The following FGD3 variants were observed in gnomAD, a reference collection of about 807,000 sequenced individuals.
FGD3 encodes the protein FYVE, RhoGEF and PH domain containing 3, also known as FYVE, RhoGEF and PH domain-containing protein 3.
In FGD3, 45 loss-of-function variants were observed where a neutral mutation model predicts 71.8. The ratio of observed to expected loss-of-function variants is 0.63; its 90% CI spans 0.49 to 0.80. The LOEUF is 0.80. FGD3 is among the 30% of genes least tolerant of loss of function. The pLI, the probability that FGD3 is intolerant of heterozygous loss-of-function variation, is 0.00. For synonymous variants in FGD3, 378 were observed against 392.8 expected (o/e 0.96, Z 0.44); for missense variants, 844 against 951.5 (o/e 0.89, Z 1.49).
intron 1 of FGD3, among the ~76,000 whole-genome samples, chr9:92,962,516 G>A (rs1024147728): frequency 3.9e-5 from 6 of 152,186 alleles, no homozygotes; most frequent in Admixed American, 2.0e-4. Context: ...GCACAGCAAC[G>A]GTGATTCAGA....
intron 14 of FGD3, among the ~76,000 whole-genome samples, chr9:93,029,118 G>A (rs1332917754): frequency 2.8e-5 from 4 of 141,630 alleles, no homozygotes; most frequent in Non-Finnish European, 4.5e-5. Context: ...ACCAACCTCC[G>A]CCTCCTGGGT....
chr9:92,969,037 C>G lies in FGD3; in HGVS notation c.-217-6201C>G, dbSNP rs1173230040. ...GCACCAAAGTTAAGCCAGTGAGAAG[C>G]CATATGGGGACCAGCGGATATAGGC... On this transcript the variant is annotated intron_variant, in intron 1 of 17. Transcript: ENST00000375482. The surrounding 1 kb of genome is among the most constrained non-coding windows in gnomAD (Gnocchi z 4.5). Among the ~76,000 whole-genome samples, 3 of 152,202 alleles carry G rather than the reference C, an allele frequency of 2.0e-5. No homozygotes were observed. The highest frequency in any genetic ancestry group is 4.4e-5 in the Non-Finnish European group (3 of 68,034).
At position 93,003,999 on chromosome 9, in the gene FGD3, A is replaced by G; in HGVS notation, c.544-2A>G. 6.2e-7 allele frequency: 1 copy of G among 1,614,146 alleles called. No homozygotes were observed. The highest frequency in any genetic ancestry group is 1.1e-5 in the South Asian group (1 of 91,088). ...GCCACACGTGGGCTTCTCTATGCTC[A>G]GGTTTTCTGCACCAGGCTGACGGAT... is the stretch of plus-strand genomic sequence containing the variant. On this transcript the variant is annotated splice_acceptor_variant, in intron 4 of 17. Coordinates refer to ENST00000375482, the MANE Select transcript of FGD3 (RefSeq NM_001083536.2). LOFTEE classifies it high-confidence loss of function. The surrounding 1 kb of genome is among the most constrained non-coding windows in gnomAD (Gnocchi z 4.1).
At chr9:93,030,596 G>C (rs1449806395) in intron 15 of FGD3, among the ~76,000 whole-genome samples, 1 of 152,072 alleles carries the variant, frequency 6.6e-6, no homozygotes, top group Non-Finnish European at 1.5e-5. Flanking sequence ...AGTTGAATCT[G>C]TGTTAGCAAC....
intron 6 of FGD3, among the ~76,000 whole-genome samples, chr9:93,009,525 C>T (rs1461853292): frequency 6.6e-6 from 1 of 152,168 alleles, no homozygotes; most frequent in African/African-American, 2.4e-5. Flanking sequence ...ACAGGCTGCC[C>T]AGTGGGCATC....
Position 93,018,155 on chromosome 9 carries a change from C to T in FGD3, c.1295C>T (p.Pro432Leu). The T allele has an allele frequency of 6.2e-7, 1 of 1,614,126 alleles. No individual in the cohort carries two copies. Among genetic ancestry groups the T allele is most frequent in the Non-Finnish European group, 8.5e-7 (1 of 1,180,024 alleles). The change falls in exon 11 of 18, where the codon CCA becomes CTA. Residue 432 changes from proline to leucine, a missense_variant. Pro to Leu is a moderately conservative substitution (Grantham distance 98). Transcript: ENST00000375482. Reference sequence around the variant, plus strand: ...CTTCAGGTGCAGGATATCGTCAAGCCAAACACAGCACATACATTCATCATA... The same window carrying T: ...CTTCAGGTGCAGGATATCGTCAAGCTAAACACAGCACATACATTCATCATA... ...SGLQVQDIVK[P>L]NTAHTFIITG...
intron 3 of FGD3, among the ~76,000 whole-genome samples, chr9:92,996,098 T>G (rs907198278): frequency 2.0e-5 from 3 of 152,070 alleles, no homozygotes; most frequent in Admixed American, 6.6e-5. Context: ...CTGTGAATCC[T>G]TCTGGTCCTG....
intron 3 of FGD3, among the ~76,000 whole-genome samples, chr9:92,998,251 T>G (rs542104853): frequency 6.6e-6 from 1 of 152,324 alleles, no homozygotes; most frequent in African/African-American, 2.4e-5. Flanking sequence ...TTTCTTCCAC[T>G]TGATCAAATC....
At chr9:93,002,859 G>A in intron 3 of FGD3, 66 bp from the exon 4 acceptor site, 4 of 1,523,140 alleles carry the variant, frequency 2.6e-6, no homozygotes, top group Non-Finnish European at 3.6e-6. Context: ...CACAGTGGCA[G>A]CCCGTTAGGT....
At chr9:92,951,036 G>A (rs1004803861) in intron 1 of FGD3, among the ~76,000 whole-genome samples, 1 of 152,166 alleles carries the variant, frequency 6.6e-6, no homozygotes, top group East Asian at 1.9e-4. Context: ...GGTGGTGGGA[G>A]CCCTGCAGGC....
At chr9:92,982,207 A>G (rs562307330) in intron 3 of FGD3, among the ~76,000 whole-genome samples, 2 of 152,196 alleles carry the variant, frequency 1.3e-5, no homozygotes, top group Middle Eastern at 3.4e-3. Flanking sequence ...AACTTTTTTT[A>G]GCTTCCATGT....
chr9:93,010,419 G>A (rs1452005785), intron 7 of FGD3, 35 bp downstream of exon 7: 4 of 1,577,450 alleles, frequency 2.5e-6, no homozygotes, highest in Non-Finnish European at 3.5e-6. Flanking sequence ...GGAGGGTGCA[G>A]GGGCACCTGC....
intron 14 of FGD3, among the ~76,000 whole-genome samples, chr9:93,023,795 C>CCTTTTTTTTTTTTTTTT (rs1862017356): frequency 9.3e-6 from 1 of 107,672 alleles, no homozygotes; most frequent in African/African-American, 3.9e-5. Flanking sequence ...CCATCAGCAA[C>CCTTTTTTTTTTTTTTTT]TTTTTTTTTT....
At position 92,984,371 on chromosome 9, in the gene FGD3, T is replaced by A. The variant is rs138226101; in HGVS notation, c.453+7662T>A. 7.4e-3 allele frequency among the ~76,000 whole-genome samples: 1,126 copies of A among 152,354 alleles called. 8 individuals are homozygous for A. Among genetic ancestry groups the A allele is most frequent in the African/African-American group, 0.024 (1,013 of 41,570 alleles). On this transcript the variant is annotated intron_variant, in intron 3 of 17. Transcript: ENST00000375482. Reference sequence around the variant, plus strand: ...CTTACCAACAATACCTTTACCTTTATAACTTTTGAATTAGACAAATTAATT... The same window carrying A: ...CTTACCAACAATACCTTTACCTTTAAAACTTTTGAATTAGACAAATTAATT...
At chr9:93,007,905 C>T (rs1454584158) in intron 6 of FGD3, among the ~76,000 whole-genome samples, 1 of 152,154 alleles carries the variant, frequency 6.6e-6, no homozygotes, top group African/African-American at 2.4e-5. Flanking sequence ...TGGCCCACCG[C>T]AGAGAATTCT....
At chr9:93,020,457 C>T (rs1213543160) in intron 13 of FGD3, 33 bp downstream of exon 13, 25 of 1,582,978 alleles carry the variant, frequency 1.6e-5, no homozygotes, top group Admixed American at 5.3e-5. Flanking sequence ...AGAGAGACCT[C>T]CAGGGGACGG....
Position 93,022,402 on chromosome 9 carries a change from T to C in FGD3, c.1557+13T>C, listed in dbSNP as rs1861956398. 1 of 1,611,024 alleles carries C rather than the reference T, an allele frequency of 6.2e-7. No individual in the cohort carries two copies. Among genetic ancestry groups the C allele is most frequent in the South Asian group, 1.1e-5 (1 of 91,006 alleles). ...GGGTGCAGCAGGGGTAAGTGCCCCA[T>C]GCTCAGCGGTCAGCAGGGGTGAAAG... On this transcript the variant is annotated intron_variant, in intron 14 of 17. Transcript: ENST00000375482.
chr9:92,986,535 G>A (rs7875497), intron 3 of FGD3, among the ~76,000 whole-genome samples: 90,522 of 152,106 alleles, frequency 0.6, 27,150 homozygotes, highest in South Asian at 0.67. Flanking sequence ...TTGAGAGGGC[G>A]ATGTTTATTT....
chr9:93,030,960 T>C (rs907026268), intron 15 of FGD3, among the ~76,000 whole-genome samples: 1 of 151,882 alleles, frequency 6.6e-6, no homozygotes, highest in Non-Finnish European at 1.5e-5. Context: ...AATTGATGGA[T>C]GGATGGATGG....
Sources: allele counts gnomAD v4.1 joint callset (sites outside exome capture counted in the v4.1 genomes callset), GRCh38; gene constraint gnomAD v4.1.1; non-coding constraint Gnocchi (gnomAD v3.1); transcripts MANE v1.5; gene names NCBI Gene and HGNC (gene_info 2026-07-23, HGNC 2026-07-21).